The following KYNU variants were observed in gnomAD, a reference collection of about 807,000 sequenced individuals.
The protein encoded by KYNU is L-kynurenine hydrolase.
In KYNU, 54 loss-of-function variants were observed where a neutral mutation model predicts 59.2. The observed-to-expected ratio is 0.91, with a 90% CI of 0.73 to 1.14. The LOEUF is 1.14. Among genes scored for constraint, KYNU ranks in the 50% most tolerant of loss-of-function variants. The pLI is 0.00. For synonymous variants in KYNU, 177 were observed against 192.0 expected (o/e 0.92, Z 0.65); for missense variants, 567 against 554.4 (o/e 1.02, Z -0.23).
rs140927532 is a variant in KYNU, at chr2:142,999,453, G to GAA, written c.902+13436_902+13437dup. Among the ~76,000 whole-genome samples the GAA allele has an allele frequency of 4.4e-3, 668 of 152,186 alleles. 5 individuals carry two copies. Among genetic ancestry groups the GAA allele is most frequent in the African/African-American group, 0.015 (640 of 41,528 alleles). On this transcript the variant is annotated intron_variant, in intron 10 of 13. Transcript: ENST00000264170. ...AACAACTAAAAGAACCTAAGTGGAA[G>GAA]AAAAATCACACATGCTCTAAGTTAA... is the stretch of plus-strand genomic sequence containing the variant.
intron 10 of KYNU, among the ~76,000 whole-genome samples, chr2:142,993,673 A>G (rs1437064309): frequency 6.6e-6 from 1 of 152,052 alleles, no homozygotes; most frequent in Non-Finnish European, 1.5e-5. Context: ...TGTGTAGGGA[A>G]TTTAAGCTGT....
intron 8 of KYNU, among the ~76,000 whole-genome samples, chr2:142,976,759 C>A (rs1302695545): frequency 1.3e-5 from 2 of 152,018 alleles, no homozygotes; most frequent in African/African-American, 2.4e-5. Flanking sequence ...ATGACATGTG[C>A]CCAAGGTGGT....
rs748112592 is a variant in KYNU at position 142,954,866 on chromosome 2, C to T, written c.430C>T (p.Leu144=). Residue 144 remains leucine, a synonymous_variant, in exon 5 of 14, where the codon CTA becomes TTA. Transcript: ENST00000264170. ...TGCTTTGACTGTAAATTTACATCTT[C>T]TAATGGTAAGTTTTCTTTCCCACTA... ...MNALTVNLHL[L]MLSFFKPTPK... is the part of the protein sequence containing the mutation. The T allele has an allele frequency of 1.3e-6, 2 of 1,583,730 alleles. No homozygotes were observed. Among genetic ancestry groups the T allele is most frequent in the Non-Finnish European group, 1.7e-6 (2 of 1,152,870 alleles).
chr2:142,949,481 C>T (rs1157570436), intron 4 of KYNU, among the ~76,000 whole-genome samples: 1 of 152,182 alleles, frequency 6.6e-6, no homozygotes, highest in African/African-American at 2.4e-5. Flanking sequence ...GGTGCCCAAA[C>T]CTTGACTTCT....
At chr2:142,949,035 A>G (rs964221879) in intron 4 of KYNU, among the ~76,000 whole-genome samples, 3 of 152,260 alleles carry the variant, frequency 2.0e-5, no homozygotes, top group Admixed American at 6.5e-5. Context: ...TACAGGCCCC[A>G]TGCAAGTCCA....
intron 2 of KYNU, among the ~76,000 whole-genome samples, chr2:142,918,208 A>G (rs963429121): frequency 7.9e-5 from 12 of 152,206 alleles, no homozygotes; most frequent in African/African-American, 2.4e-4. Context: ...CATGTCTACA[A>G]CACAAATTAG....
At chr2:142,986,271 T>C (rs933068311) in intron 10 of KYNU, among the ~76,000 whole-genome samples, 5 of 151,954 alleles carry the variant, frequency 3.3e-5, no homozygotes, top group African/African-American at 7.2e-5. Context: ...ACTGCAATCA[T>C]GTAAAGCGGA....
intron 11 of KYNU, among the ~76,000 whole-genome samples, chr2:143,031,869 A>G (rs1021075251): frequency 6.6e-6 from 1 of 152,214 alleles, no homozygotes; most frequent in Non-Finnish European, 1.5e-5. Flanking sequence ...ACAGTTTCAC[A>G]TGGCTGGGGA....
intron 8 of KYNU, among the ~76,000 whole-genome samples, chr2:142,984,782 G>A (rs1220693386): frequency 1.3e-5 from 2 of 151,972 alleles, no homozygotes; most frequent in Non-Finnish European, 2.9e-5. Context: ...GTTCGGTACC[G>A]CTGCCTTGGC....
intron 10 of KYNU, among the ~76,000 whole-genome samples, chr2:142,987,776 A>C (rs1470714385): frequency 6.6e-6 from 1 of 151,938 alleles, no homozygotes; most frequent in Non-Finnish European, 1.5e-5. Flanking sequence ...AATCTCATGT[A>C]GAATTGTAAT....
In KYNU at chr2:142,949,258, G is replaced by A. The variant is rs1439097608; in HGVS notation, c.374-5552G>A. The stretch of plus-strand genomic sequence containing the variant: ...TCTGGGCGCATGGTGCAAGCTGTCA[G>A]TGGATCTACCACTCTGGGGACTGGA... On this transcript the variant is annotated intron_variant, in intron 4 of 13. Coordinates refer to ENST00000264170, the MANE Select transcript of KYNU (RefSeq NM_003937.3). Among the ~76,000 whole-genome samples the A allele has an allele frequency of 2.6e-5, 4 of 152,182 alleles. No individual in the cohort carries two copies. The East Asian group carries it at 5.8e-4, about 22-fold the overall frequency.
intron 4 of KYNU, among the ~76,000 whole-genome samples, chr2:142,951,514 A>G (rs1050956229): frequency 5.9e-5 from 9 of 152,250 alleles, no homozygotes; most frequent in Admixed American, 2.6e-4. Context: ...TGACAAAATA[A>G]GACAAAAAAC....
At chr2:143,029,564 C>A in intron 10 of KYNU, 63 bp from the exon 11 acceptor site, 2 of 999,728 alleles carry the variant, frequency 2.0e-6, no homozygotes, top group Non-Finnish European at 1.6e-6. Flanking sequence ...CCAGCCTAGG[C>A]AGCAGAGCAA....
rs1687315515 is a variant in KYNU, at chr2:143,054,261, T to C, written c.*12089T>C. ...ATAAGTATTTCCCCAAGTTTCACTT[T>C]ATCTTTCTATTACTTTTTTTACATA... is the stretch of plus-strand genomic sequence containing the variant. On this transcript the variant is annotated 3_prime_UTR_variant, in exon 14 of 14. Coordinates refer to ENST00000264170, the MANE Select transcript of KYNU (RefSeq NM_003937.3). The C allele has an allele frequency of 2.6e-5, 4 of 152,048 alleles. No homozygotes were observed. The South Asian group carries it at 8.3e-4, about 32-fold the overall frequency. 9.4% of individuals were successfully genotyped at this position (152,048 alleles called of 1,614,324 possible).
chr2:142,970,818 C>T lies in KYNU; in HGVS notation c.729+10048C>T, dbSNP rs923666646. On this transcript the variant is annotated intron_variant, in intron 8 of 13. Coordinates refer to ENST00000264170, the MANE Select transcript of KYNU (RefSeq NM_003937.3). ...TCAGTATCATATTTTCCACTGTTCT[C>T]CTTCACATAACATATATCAGCTAAG... Among the ~76,000 whole-genome samples the T allele has an allele frequency of 4.6e-5, 7 of 152,292 alleles. No individual in the cohort carries two copies. The East Asian group carries it at 9.6e-4, about 21-fold the overall frequency.
At chr2:142,937,087 A>G (rs116008158) in intron 4 of KYNU, among the ~76,000 whole-genome samples, 3,111 of 152,218 alleles carry the variant, frequency 0.02, 105 homozygotes, top group African/African-American at 0.071. Context: ...CGTAACTGCT[A>G]TGTTGTACCT....
intron 1 of KYNU, among the ~76,000 whole-genome samples, chr2:142,882,122 A>G (rs1681323349): frequency 6.6e-6 from 1 of 151,108 alleles, no homozygotes; most frequent in Non-Finnish European, 1.5e-5. Context: ...ATCATATTTC[A>G]CATATTTGCC....
At chr2:142,985,865 A>G in intron 9 of KYNU, 83 bp from the exon 10 acceptor site, 2 of 902,734 alleles carry the variant, frequency 2.2e-6, no homozygotes, top group East Asian at 2.6e-5. Flanking sequence ...TGTGGTTTCA[A>G]TTAAAAAATT....
chr2:142,992,974 C>G (rs1228602970), intron 10 of KYNU, among the ~76,000 whole-genome samples: 1 of 152,008 alleles, frequency 6.6e-6, no homozygotes, highest in Non-Finnish European at 1.5e-5. Context: ...TGGGTGAATT[C>G]TCAGACTGCT....
Sources: allele counts gnomAD v4.1 joint callset (sites outside exome capture counted in the v4.1 genomes callset), GRCh38; gene constraint gnomAD v4.1.1; transcripts MANE v1.5; gene names NCBI Gene and HGNC (gene_info 2026-07-23, HGNC 2026-07-21).